Variants in CTDSPL observed in about 807,000 individuals in gnomAD.
CTDSPL encodes the protein CTD small phosphatase-like protein.
A neutral mutation model predicts 30.5 loss-of-function variants in CTDSPL; 8 were observed. That is an observed-to-expected ratio of 0.26 (90% CI 0.15 to 0.47). The LOEUF (loss-of-function observed/expected upper bound fraction) is 0.47, where lower values mean the gene tolerates loss of function less well. CTDSPL is among the 20% of genes least tolerant of loss of function. The pLI is 0.99. For missense variants in CTDSPL, 248 were observed against 366.1 expected, an observed-to-expected ratio of 0.68 and a Z score of 2.63; for synonymous variants, 110 against 137.9, an observed-to-expected ratio of 0.80 and a Z score of 1.42.
intron 1 of CTDSPL, among the ~76,000 whole-genome samples, chr3:37,921,377 G>T (rs1419266647): frequency 6.6e-6 from 1 of 152,194 alleles, no homozygotes; most frequent in Non-Finnish European, 1.5e-5. Flanking sequence ...GGAGCCAAAG[G>T]ATGTAAGGGA....
intron 1 of CTDSPL, among the ~76,000 whole-genome samples, chr3:37,916,993 T>G (rs1268444860): frequency 6.6e-6 from 1 of 152,176 alleles, no homozygotes; most frequent in Non-Finnish European, 1.5e-5. Context: ...TGCTGCAGGT[T>G]TTCTCCAGCT....
intron 2 of CTDSPL, among the ~76,000 whole-genome samples, chr3:37,951,468 A>C (rs1438432865): frequency 6.6e-6 from 1 of 152,106 alleles, no homozygotes; most frequent in Non-Finnish European, 1.5e-5. Flanking sequence ...TTCAGCCCAG[A>C]AGTTTGAGAC....
intron 2 of CTDSPL, among the ~76,000 whole-genome samples, chr3:37,955,794 G>A (rs1699165617): frequency 1.3e-5 from 2 of 152,072 alleles, no homozygotes; most frequent in South Asian, 4.1e-4. Context: ...CCCATGACAT[G>A]CGATTTACCT....
intron 1 of CTDSPL, among the ~76,000 whole-genome samples, chr3:37,902,559 C>T (rs1254432450): frequency 6.6e-6 from 1 of 152,162 alleles, no homozygotes; most frequent in Non-Finnish European, 1.5e-5. Flanking sequence ...CATGGCTCCC[C>T]TCCCTAGGGA....
intron 1 of CTDSPL, among the ~76,000 whole-genome samples, chr3:37,937,646 G>A (rs1332872436): frequency 6.6e-6 from 1 of 150,444 alleles, no homozygotes; most frequent in East Asian, 1.9e-4. Flanking sequence ...AATGGAATGA[G>A]GCACTGAACT....
chr3:37,946,505 C>A (rs1489219024), intron 1 of CTDSPL, among the ~76,000 whole-genome samples: 1 of 152,184 alleles, frequency 6.6e-6, no homozygotes, highest in Admixed American at 6.5e-5. Flanking sequence ...AAACTCTTGG[C>A]GAGTTTAAGC....
intron 1 of CTDSPL, among the ~76,000 whole-genome samples, chr3:37,864,756 T>TA (rs1329323199): frequency 6.6e-6 from 1 of 152,026 alleles, no homozygotes; most frequent in Non-Finnish European, 1.5e-5. Flanking sequence ...TTACATTATG[T>TA]AAAAATGTAT....
intron 3 of CTDSPL, among the ~76,000 whole-genome samples, chr3:37,959,681 T>C (rs1222722656): frequency 2.6e-5 from 4 of 152,260 alleles, no homozygotes; most frequent in Non-Finnish European, 5.9e-5. Flanking sequence ...CTTAAAAATA[T>C]CCTCTTTTCT....
At chr3:37,916,546 A>G (rs1698649690) in intron 1 of CTDSPL, among the ~76,000 whole-genome samples, 2 of 152,174 alleles carry the variant, frequency 1.3e-5, no homozygotes, top group South Asian at 4.1e-4. Context: ...ACAGACACAC[A>G]TAGGGAGAAG....
intron 1 of CTDSPL, among the ~76,000 whole-genome samples, chr3:37,866,333 C>T (rs1372611499): frequency 6.6e-6 from 1 of 151,960 alleles, no homozygotes; most frequent in East Asian, 1.9e-4. Context: ...AAAAAAATCA[C>T]ACATACACAC....
chr3:37,970,472 G>T (rs1308272614), intron 5 of CTDSPL, among the ~76,000 whole-genome samples: 1 of 152,192 alleles, frequency 6.6e-6, no homozygotes, highest in Non-Finnish European at 1.5e-5. Context: ...GAATTTTAAA[G>T]AGTTTGATTT....
rs117421029 is a variant in CTDSPL at position 37,975,979 on chromosome 3, C to T, written c.705+85C>T. 8 of 1,392,548 alleles carry T rather than the reference C, an allele frequency of 5.7e-6. No homozygotes were observed. The East Asian group carries it at 9.3e-5, about 16-fold the overall frequency. 86.3% of individuals were successfully genotyped at this position (1,392,548 alleles called of 1,614,324 possible). On this transcript the variant is annotated intron_variant, in intron 7 of 7. Transcript: ENST00000273179. The surrounding 1 kb of genome is among the most constrained non-coding windows in gnomAD (Gnocchi z 4.9). Reference sequence around the variant, plus strand: ...CAGGTACCACTTTTGAGCACCTACACAAGAAGGTCTCTGGGCCTTTTCCTA... The same window carrying T: ...CAGGTACCACTTTTGAGCACCTACATAAGAAGGTCTCTGGGCCTTTTCCTA...
At chr3:37,929,223 C>G (rs184909568) in intron 1 of CTDSPL, among the ~76,000 whole-genome samples, 2 of 151,870 alleles carry the variant, frequency 1.3e-5, no homozygotes, top group East Asian at 1.9e-4. Flanking sequence ...AGGCCTCCAG[C>G]TTTGTTGTTC....
rs1268233732 is a variant in CTDSPL at position 37,981,706 on chromosome 3, T to G, written c.*839T>G. The G allele has an allele frequency of 1.8e-5, 7 of 395,766 alleles. No individual in the cohort carries two copies. The highest frequency in any genetic ancestry group is 3.6e-5 in the Non-Finnish European group (7 of 195,234). 24.5% of individuals were successfully genotyped at this position (395,766 alleles called of 1,614,324 possible). A position where few individuals can be genotyped will look rare whatever the true frequency, so the allele number is the denominator to read the frequency against. The stretch of plus-strand genomic sequence containing the variant: ...CCTGTCACTTCTGCTCTCACACTAC[T>G]GCCATACATTTGTGTTTTTTGTTGT... On this transcript the variant is annotated 3_prime_UTR_variant, in exon 8 of 8. Coordinates refer to ENST00000273179, the MANE Select transcript of CTDSPL (RefSeq NM_001008392.2).
At chr3:37,925,671 AT>A in intron 1 of CTDSPL, among the ~76,000 whole-genome samples, 1 of 152,344 alleles carries the variant, frequency 6.6e-6, no homozygotes, top group East Asian at 1.9e-4. Flanking sequence ...CTCACAAAGT[AT>A]ATACCCAAAC....
At chr3:37,879,443 C>G (rs1659928129) in intron 1 of CTDSPL, among the ~76,000 whole-genome samples, 1 of 152,210 alleles carries the variant, frequency 6.6e-6, no homozygotes, top group African/African-American at 2.4e-5. Flanking sequence ...CAGTGACCCC[C>G]AAAACATGAG....
intron 1 of CTDSPL, among the ~76,000 whole-genome samples, chr3:37,925,609 A>T (rs1459509887): frequency 6.6e-6 from 1 of 152,176 alleles, no homozygotes; most frequent in Non-Finnish European, 1.5e-5. Context: ...TGCTGTTACC[A>T]TCCTGACCTT....
rs1699493942 is a variant in CTDSPL, at chr3:37,981,670, A to G, written c.*803A>G. On this transcript the variant is annotated 3_prime_UTR_variant, in exon 8 of 8. Coordinates refer to ENST00000273179, the MANE Select transcript of CTDSPL (RefSeq NM_001008392.2). ...GTCTTGAGGTCACATTTTCTCCTTGAAAAGTGACATCCTGTCACTTCTGCT... is the reference window on the plus strand; with the variant it reads ...GTCTTGAGGTCACATTTTCTCCTTGGAAAGTGACATCCTGTCACTTCTGCT... The G allele has an allele frequency of 3.0e-6, 1 of 329,294 alleles. No homozygotes were observed. Among genetic ancestry groups the G allele is most frequent in the African/African-American group, 2.2e-5 (1 of 46,216 alleles). 20.4% of individuals were successfully genotyped at this position (329,294 alleles called of 1,614,324 possible). A position where few individuals can be genotyped will look rare whatever the true frequency, so the allele number is the denominator to read the frequency against.
chr3:37,972,528 A>T (rs1345491226), intron 6 of CTDSPL, among the ~76,000 whole-genome samples: 1 of 152,220 alleles, frequency 6.6e-6, no homozygotes, highest in Non-Finnish European at 1.5e-5. Flanking sequence ...TGATAAAATC[A>T]TTCAGACATA....
Sources: allele counts gnomAD v4.1 joint callset (sites outside exome capture counted in the v4.1 genomes callset), GRCh38; gene constraint gnomAD v4.1.1; non-coding constraint Gnocchi (gnomAD v3.1); transcripts MANE v1.5; gene names NCBI Gene and HGNC (gene_info 2026-07-23, HGNC 2026-07-21).